NR6A1: variants seen among roughly 807,000 people sequenced by gnomAD.
The protein encoded by NR6A1 is retinoic acid receptor-related testis-associated receptor.
A neutral mutation model predicts 59.1 loss-of-function variants in NR6A1; 7 were observed. That is an observed-to-expected ratio of 0.12 (90% CI 0.07 to 0.22). NR6A1 has a LOEUF of 0.22. Ranked by LOEUF, NR6A1 falls within the 10% of genes least tolerant of loss-of-function variation. NR6A1 has a pLI of 1.00. For missense variants in NR6A1, 468 were observed against 611.6 expected, an observed-to-expected ratio of 0.77 and a Z score of 2.48; for synonymous variants, 243 against 236.1, an observed-to-expected ratio of 1.03 and a Z score of -0.27.
intron 1 of NR6A1, among the ~76,000 whole-genome samples, chr9:124,756,304 C>T (rs1840628966): frequency 6.6e-6 from 1 of 152,160 alleles, no homozygotes; most frequent in Non-Finnish European, 1.5e-5. Context: ...GAGCAGCTGG[C>T]TTATTCATTT....
chr9:124,631,145 G>A (rs920926651), intron 2 of NR6A1, among the ~76,000 whole-genome samples: 1 of 152,116 alleles, frequency 6.6e-6, no homozygotes, highest in African/African-American at 2.4e-5. Flanking sequence ...TGTTTGTTAT[G>A]AACAGTTTTA....
intron 2 of NR6A1, among the ~76,000 whole-genome samples, chr9:124,577,917 A>AG (rs1480709680): frequency 3.9e-5 from 6 of 152,248 alleles, no homozygotes; most frequent in Admixed American, 3.3e-4. Context: ...CTACGTGAAC[A>AG]GATATCTTCT....
chr9:124,681,592 G>A (rs756070091), intron 2 of NR6A1, among the ~76,000 whole-genome samples: 6 of 151,938 alleles, frequency 3.9e-5, no homozygotes, highest in Admixed American at 1.3e-4. Flanking sequence ...TGCCCACCTC[G>A]GTCTCCCAAA....
intron 2 of NR6A1, among the ~76,000 whole-genome samples, chr9:124,636,953 AAGAC>A (rs1182903523): frequency 2.4e-4 from 36 of 152,330 alleles, no homozygotes; most frequent in Admixed American, 1.1e-3. Context: ...AAAAAACACT[AAGAC>A]AGGGTCACTT....
At position 124,526,873 on chromosome 9, in the gene NR6A1, G is replaced by C. The variant is rs202064939; in HGVS notation, c.1107C>G (p.Ile369Met). The C allele has an allele frequency of 1.2e-6, 2 of 1,613,844 alleles. No homozygotes were observed. The highest frequency in any genetic ancestry group is 2.2e-5 in the East Asian group (1 of 44,890). ...TGTGATAGAGGTAGATGAGCCGCTCGATCACCTCCATCCCTTCATCACTAA... is the reference window on the plus strand; with the variant it reads ...TGTGATAGAGGTAGATGAGCCGCTCCATCACCTCCATCCCTTCATCACTAA... ...HRFSDEGMEV[I>M]ERLIYLYHKF... The change falls in exon 8 of 10, where the codon ATC becomes ATG. Residue 369 changes from isoleucine (I) to methionine (M), a missense_variant. By Grantham distance (10) the Ile-to-Met change is conservative. Coordinates refer to ENST00000487099, the MANE Select transcript of NR6A1 (RefSeq NM_033334.4).
At chr9:124,747,275 G>A (rs1002344092) in intron 1 of NR6A1, among the ~76,000 whole-genome samples, 4 of 145,134 alleles carry the variant, frequency 2.8e-5, no homozygotes, top group African/African-American at 7.7e-5. Flanking sequence ...CTGCAGCCTC[G>A]ACCTCCCAGG....
intron 1 of NR6A1, among the ~76,000 whole-genome samples, chr9:124,746,205 A>T (rs1247496207): frequency 1.3e-5 from 2 of 152,202 alleles, no homozygotes; most frequent in African/African-American, 4.8e-5. Context: ...CCAGCTTCAG[A>T]AATCCATTGT....
chr9:124,597,350 A>G (rs1227374164), intron 2 of NR6A1, among the ~76,000 whole-genome samples: 2 of 145,492 alleles, frequency 1.4e-5, no homozygotes, highest in Admixed American at 7.3e-5. Context: ...TTCTTAAATG[A>G]TTTTAGTAAA....
At chr9:124,684,016 C>T (rs1189388130) in intron 2 of NR6A1, among the ~76,000 whole-genome samples, 1 of 152,184 alleles carries the variant, frequency 6.6e-6, no homozygotes, top group Non-Finnish European at 1.5e-5. Flanking sequence ...AAACAGAGCA[C>T]CTATGACTCT....
chr9:124,730,106 C>T (rs1303003307), intron 2 of NR6A1, among the ~76,000 whole-genome samples: 1 of 152,180 alleles, frequency 6.6e-6, no homozygotes, highest in African/African-American at 2.4e-5. Context: ...AGCCACCACG[C>T]CTGGCCTAAT....
chr9:124,574,491 G>A (rs1398781936), intron 2 of NR6A1, among the ~76,000 whole-genome samples: 2 of 152,184 alleles, frequency 1.3e-5, no homozygotes, highest in Non-Finnish European at 2.9e-5. Flanking sequence ...CATCTCCAGT[G>A]ATAAAGAGCT....
chr9:124,572,000 A>G (rs1834452152), intron 2 of NR6A1, among the ~76,000 whole-genome samples: 1 of 152,196 alleles, frequency 6.6e-6, no homozygotes, highest in South Asian at 2.1e-4. Context: ...AAGAAGAGAT[A>G]GAAAAAAGGT....
intron 2 of NR6A1, among the ~76,000 whole-genome samples, chr9:124,728,606 G>A (rs1839794197): frequency 6.6e-6 from 1 of 151,678 alleles, no homozygotes; most frequent in African/African-American, 2.4e-5. Context: ...CTGCACTCTA[G>A]CCTGGGTGAC....
In NR6A1 at chr9:124,611,379, G is replaced by A. The variant is rs1205676175; in HGVS notation, c.143-56809C>T. Among the ~76,000 whole-genome samples the A allele has an allele frequency of 3.3e-5, 5 of 152,066 alleles. No homozygotes were observed. In the South Asian group the frequency reaches 8.3e-4, roughly 25 times the overall value. On this transcript the variant is annotated intron_variant, in intron 2 of 9. Transcript: ENST00000487099. ...AGACAGAGTGCTTGCTCAGACATCC[G>A]TAGGGAAGAGATCCCCCAGAGTAGC...
intron 2 of NR6A1, among the ~76,000 whole-genome samples, chr9:124,710,535 C>T (rs1011217906): frequency 6.6e-6 from 1 of 152,188 alleles, no homozygotes; most frequent in African/African-American, 2.4e-5. Context: ...CCTTATCCTC[C>T]TCCTTCCCAA....
At chr9:124,767,513 G>GAAAAAAAAA (rs951834728) in intron 1 of NR6A1, among the ~76,000 whole-genome samples, 3 of 76,522 alleles carry the variant, frequency 3.9e-5, no homozygotes, top group East Asian at 3.9e-4. Context: ...TACAAAAAAA[G>GAAAAAAAAA]AAAAAAAAAA....
In NR6A1 at chr9:124,721,188, C is replaced by T. The variant is rs540292823; in HGVS notation, c.142+12120G>A. Among the ~76,000 whole-genome samples the T allele has an allele frequency of 5.9e-5, 9 of 152,276 alleles. No individual in the cohort carries two copies. The East Asian group carries it at 9.6e-4, about 16-fold the overall frequency. On this transcript the variant is annotated intron_variant, in intron 2 of 9. Coordinates refer to ENST00000487099, the MANE Select transcript of NR6A1 (RefSeq NM_033334.4). ...ATAGTGGCAGACATCCAAGACTATC[C>T]AAGGACCCAACAACCGCCTTTGAAT...
chr9:124,765,747 C>T (rs1482199044), intron 1 of NR6A1, among the ~76,000 whole-genome samples: 1 of 151,742 alleles, frequency 6.6e-6, no homozygotes, highest in African/African-American at 2.4e-5. Flanking sequence ...ACTGTAACCA[C>T]TGAAAAAACT....
intron 2 of NR6A1, among the ~76,000 whole-genome samples, chr9:124,679,752 C>T (rs762045224): frequency 5.3e-5 from 8 of 151,640 alleles, no homozygotes; most frequent in Non-Finnish European, 1.0e-4. Flanking sequence ...AAAAAATTAG[C>T]CGGTCATGGT....
Sources: allele counts gnomAD v4.1 joint callset (sites outside exome capture counted in the v4.1 genomes callset), GRCh38; gene constraint gnomAD v4.1.1; transcripts MANE v1.5; gene names NCBI Gene and HGNC (gene_info 2026-07-23, HGNC 2026-07-21).